The following RASL12 variants were observed in gnomAD, a reference collection of about 807,000 sequenced individuals.
RASL12 encodes the protein RAS like family 12.
Under a neutral mutation model 22.9 loss-of-function variants are expected in RASL12, and 16 were observed. That is an observed-to-expected ratio of 0.70 (90% CI 0.47 to 1.06). The LOEUF (loss-of-function observed/expected upper bound fraction) is 1.06. Ranked by LOEUF, RASL12 falls within the 50% of genes least tolerant of loss-of-function variation. The pLI is 0.00. For missense variants in RASL12, 306 were observed against 353.1 expected, an observed-to-expected ratio of 0.87 and a Z score of 1.07; for synonymous variants, 159 against 152.2, an observed-to-expected ratio of 1.04 and a Z score of -0.33.
the RASL12 span, among the ~76,000 whole-genome samples, chr15:65,047,949 C>T: frequency 3.9e-5 from 6 of 152,022 alleles, no homozygotes; most frequent in Non-Finnish European, 8.8e-5. Context: ...GAGGCCGAGG[C>T]GAGTGGATTA....
intron 2 of RASL12, among the ~76,000 whole-genome samples, chr15:65,064,475 C>T (rs2086852273): frequency 6.6e-6 from 1 of 152,176 alleles, no homozygotes; most frequent in Non-Finnish European, 1.5e-5. Flanking sequence ...CAGTTGTTTT[C>T]TCATACGGTT....
chr15:65,065,210 T>G lies in RASL12; in HGVS notation c.160+7A>C. The G allele has an allele frequency of 6.2e-7, 1 of 1,611,940 alleles. No homozygotes were observed. The highest frequency in any genetic ancestry group is 8.5e-7 in the Non-Finnish European group (1 of 1,179,198). On this transcript the variant is annotated splice_region_variant and intron_variant, in intron 2 of 4. Coordinates refer to ENST00000220062, the MANE Select transcript of RASL12 (RefSeq NM_016563.4). ...GGCAGCAGAAGGTACGGGGAGTAGT[T>G]TCTTACCCAAGTTGGGGTCATATTC...
upstream of RASL12, chr15:65,068,268 C>T (rs2086905649): frequency 3.0e-6 from 3 of 985,264 alleles, no homozygotes; most frequent in Non-Finnish European, 3.6e-6. The surrounding 1 kb of genome is among the most constrained non-coding windows in gnomAD (Gnocchi z 4.2). Flanking sequence ...TGCACTCTTC[C>T]CTGAACCTCC....
chr15:65,055,730 G>A (rs576732672), intron 4 of RASL12, among the ~76,000 whole-genome samples: 172 of 152,334 alleles, frequency 1.1e-3, no homozygotes, highest in Non-Finnish European at 1.3e-3. Context: ...GAGAGAAGCA[G>A]TCGTTTGGAC....
At chr15:65,060,425 G>T (rs2919354) in intron 2 of RASL12, among the ~76,000 whole-genome samples, 130,960 of 152,266 alleles carry the variant, frequency 0.86, 56,423 homozygotes, top group East Asian at 0.99. Context: ...AGCCCAATGA[G>T]CAAAAAGAAA....
intron 1 of RASL12, among the ~76,000 whole-genome samples, chr15:65,073,420 G>A (rs2086944851): frequency 6.6e-6 from 1 of 152,184 alleles, no homozygotes; most frequent in African/African-American, 2.4e-5. Context: ...GTCATAAGGA[G>A]CAGGCAACCT....
At chr15:65,066,143 A>G (rs1399199355) in intron 1 of RASL12, among the ~76,000 whole-genome samples, 1 of 151,740 alleles carries the variant, frequency 6.6e-6, no homozygotes, top group Admixed American at 6.6e-5. Flanking sequence ...AAGAAAAAAA[A>G]GAAAGAAGAA....
intron 3 of RASL12, 91 bp downstream of exon 3, chr15:65,059,240 TAAAAGGCATCTAAA>T: frequency 1.1e-6 from 1 of 943,180 alleles, no homozygotes; most frequent in Non-Finnish European, 1.7e-6. Flanking sequence ...AAGTTGAGCT[TAAAAGGCATCTAAA>T]TGCCTATCTG....
Position 65,065,269 on chromosome 15 carries a change from C to A in RASL12, c.108G>T (p.Leu36=). The part of the protein sequence containing the change: ...LGRRGAGKSA[L]TVKFLTKRFI... ...ACCTCTTGGTCAGAAACTTCACGGTCAGGGCTGCAAGAAGCAGAAAGAGGT... is the reference window on the plus strand; with the variant it reads ...ACCTCTTGGTCAGAAACTTCACGGTAAGGGCTGCAAGAAGCAGAAAGAGGT... Residue 36 remains leucine (L), a synonymous_variant, in exon 2 of 5, where the codon CTG becomes CTT. Coordinates refer to ENST00000220062, the MANE Select transcript of RASL12 (RefSeq NM_016563.4). 6.2e-7 allele frequency: 1 copy of A among 1,611,764 alleles called. No individual in the cohort carries two copies. Among genetic ancestry groups the A allele is most frequent in the South Asian group, 1.1e-5 (1 of 90,270 alleles).
intron 2 of RASL12, among the ~76,000 whole-genome samples, 158 bp downstream of exon 2, chr15:65,065,059 C>T (rs1305906274): frequency 6.6e-6 from 1 of 152,218 alleles, no homozygotes; most frequent in Non-Finnish European, 1.5e-5. Flanking sequence ...ATTTCTGACA[C>T]TTAAAACATT....
At chr15:65,068,152 C>G (rs968924270), upstream of RASL12, 34 of 1,011,096 alleles carry the variant, frequency 3.4e-5, no homozygotes, top group Non-Finnish European at 3.9e-5. This position sits in a 1 kb window ranked among gnomAD's most constrained non-coding sequence, Gnocchi z 4.2. Flanking sequence ...CACCGCCGGG[C>G]TGGGCCTCGA....
At chr15:65,063,032 C>T (rs545669375) in intron 2 of RASL12, among the ~76,000 whole-genome samples, 4 of 152,270 alleles carry the variant, frequency 2.6e-5, no homozygotes, top group African/African-American at 9.6e-5. Flanking sequence ...AGTCTGCCCA[C>T]GCATTCCACT....
chr15:65,067,126 T>G, intron 1 of RASL12, among the ~76,000 whole-genome samples: 2 of 146,964 alleles, frequency 1.4e-5, no homozygotes, highest in Non-Finnish European at 3.0e-5. Flanking sequence ...GGGGTGGGAG[T>G]GGGGGAGTGG....
intron 1 of RASL12, among the ~76,000 whole-genome samples, chr15:65,074,038 T>C (rs1465749196): frequency 1.3e-5 from 2 of 152,240 alleles, no homozygotes; most frequent in African/African-American, 4.8e-5. Flanking sequence ...CTTTATGGGA[T>C]GCTCATCTGC....
At chr15:65,045,894 A>C in the RASL12 span, among the ~76,000 whole-genome samples, 3 of 152,230 alleles carry the variant, frequency 2.0e-5, no homozygotes, top group Admixed American at 6.5e-5. Context: ...GGCCGGGCGC[A>C]GTGGCTCACG....
In RASL12 at chr15:65,053,537, C is replaced by A; in HGVS notation, c.*1362G>T. ...TGTGGTCTTGAGTAGTTCACAGCCCCCCTCTGACCTCAGCTCCTCCATTTA... is the reference window on the plus strand; with the variant it reads ...TGTGGTCTTGAGTAGTTCACAGCCCACCTCTGACCTCAGCTCCTCCATTTA... On this transcript the variant is annotated 3_prime_UTR_variant, in exon 5 of 5. Coordinates refer to ENST00000220062, the MANE Select transcript of RASL12 (RefSeq NM_016563.4). 9.8e-7 allele frequency: 1 copy of A among 1,024,504 alleles called. No individual in the cohort carries two copies. Among genetic ancestry groups the A allele is most frequent in the Non-Finnish European group, 1.2e-6 (1 of 854,800 alleles). 63.5% of individuals were successfully genotyped at this position (1,024,504 alleles called of 1,614,324 possible).
At chr15:65,053,255 C>G (rs1439980108), downstream of RASL12, 1 of 1,501,104 alleles carries the variant, frequency 6.7e-7, no homozygotes, top group African/African-American at 1.4e-5. Context: ...GAGTCTCTCC[C>G]AAGAAGCCGC....
At chr15:65,063,977 T>C (rs1036320078) in intron 2 of RASL12, among the ~76,000 whole-genome samples, 1 of 152,178 alleles carries the variant, frequency 6.6e-6, no homozygotes, top group African/African-American at 2.4e-5. Context: ...CATGAATGCT[T>C]TAATTGATTT....
At chr15:65,069,604 C>G (rs927165476), upstream of RASL12, among the ~76,000 whole-genome samples, 1 of 152,206 alleles carries the variant, frequency 6.6e-6, no homozygotes, top group Non-Finnish European at 1.5e-5. Flanking sequence ...ATCTTTAAAA[C>G]TTGACCAACC....
Sources: allele counts gnomAD v4.1 joint callset (sites outside exome capture counted in the v4.1 genomes callset), GRCh38; gene constraint gnomAD v4.1.1; non-coding constraint Gnocchi (gnomAD v3.1); transcripts MANE v1.5; gene names NCBI Gene and HGNC (gene_info 2026-07-23, HGNC 2026-07-21).